NEGR1: variants seen among roughly 807,000 people sequenced by gnomAD.
The protein encoded by NEGR1 is IgLON family member 4.
NEGR1 carries 10 observed loss-of-function variants against 40.9 expected under a neutral mutation model. The observed-to-expected ratio is 0.24, with a 90% CI of 0.15 to 0.42. The LOEUF is 0.42. Ranked by LOEUF, NEGR1 falls within the 10% of genes least tolerant of loss-of-function variation. The pLI is 1.00. For synonymous variants in NEGR1, 185 were observed against 166.8 expected (o/e 1.11, Z -0.84); for missense variants, 352 against 438.9 (o/e 0.80, Z 1.77).
At chr1:72,022,092 G>T (rs935275996) in intron 1 of NEGR1, among the ~76,000 whole-genome samples, 1 of 151,730 alleles carries the variant, frequency 6.6e-6, no homozygotes, top group Non-Finnish European at 1.5e-5. Context: ...CCGAGATGGC[G>T]CCACTGCACT....
At chr1:71,444,225 A>G (rs1217257641) in intron 6 of NEGR1, among the ~76,000 whole-genome samples, 1 of 152,196 alleles carries the variant, frequency 6.6e-6, no homozygotes, top group Non-Finnish European at 1.5e-5. Context: ...TGTTATGACC[A>G]GAAAATATTT....
intron 3 of NEGR1, among the ~76,000 whole-genome samples, chr1:71,733,821 T>C (rs754227002): frequency 7.2e-5 from 11 of 152,214 alleles, no homozygotes; most frequent in Non-Finnish European, 1.5e-4. Flanking sequence ...GCCTGTATAG[T>C]ACTGATTCCT....
intron 1 of NEGR1, among the ~76,000 whole-genome samples, chr1:72,052,223 A>T (rs1278323870): frequency 6.6e-6 from 1 of 151,448 alleles, no homozygotes; most frequent in Non-Finnish European, 1.5e-5. Flanking sequence ...GATAGTGACA[A>T]AGCCTTGTCA....
intron 1 of NEGR1, among the ~76,000 whole-genome samples, chr1:72,103,995 A>G (rs1649040216): frequency 6.6e-6 from 1 of 152,138 alleles, no homozygotes; most frequent in African/African-American, 2.4e-5. Context: ...GTATATAACC[A>G]ATGACTTTGA....
intron 1 of NEGR1, among the ~76,000 whole-genome samples, chr1:72,072,055 T>G (rs1484664822): frequency 6.6e-6 from 1 of 152,154 alleles, no homozygotes; most frequent in Non-Finnish European, 1.5e-5. Context: ...CTAGCCTCTC[T>G]TACTTAGTAT....
chr1:71,716,747 T>G (rs911208842), intron 3 of NEGR1, among the ~76,000 whole-genome samples: 1 of 152,172 alleles, frequency 6.6e-6, no homozygotes, highest in Non-Finnish European at 1.5e-5. Flanking sequence ...CTCACTGCTA[T>G]CATACATTTT....
intron 2 of NEGR1, among the ~76,000 whole-genome samples, chr1:71,828,105 T>G (rs376391601): frequency 6.6e-6 from 1 of 152,048 alleles, no homozygotes; most frequent in African/African-American, 2.4e-5. Context: ...ATAACTGCTA[T>G]AGTAGAGATA....
chr1:71,994,781 A>AC (rs898206527), intron 1 of NEGR1, among the ~76,000 whole-genome samples: 2 of 152,036 alleles, frequency 1.3e-5, no homozygotes, highest in African/African-American at 4.8e-5. Flanking sequence ...GAGACCTAGA[A>AC]CCATGATATT....
chr1:71,580,780 T>G (rs1036681315), intron 6 of NEGR1, among the ~76,000 whole-genome samples: 1 of 152,128 alleles, frequency 6.6e-6, no homozygotes, highest in Non-Finnish European at 1.5e-5. Context: ...TTTAACTCCA[T>G]TTTACAGATG....
intron 6 of NEGR1, among the ~76,000 whole-genome samples, chr1:71,484,319 G>T (rs1646874020): frequency 6.6e-6 from 1 of 151,190 alleles, no homozygotes; most frequent in Non-Finnish European, 1.5e-5. Flanking sequence ...CATCTCCAGG[G>T]TCAACTAATT....
intron 1 of NEGR1, among the ~76,000 whole-genome samples, chr1:72,051,106 C>T (rs1647055918): frequency 6.6e-6 from 1 of 151,446 alleles, no homozygotes; most frequent in Non-Finnish European, 1.5e-5. Context: ...GTTCCCGATG[C>T]ATTGTAAGCC....
intron 1 of NEGR1, among the ~76,000 whole-genome samples, chr1:72,027,694 C>A (rs1646824228): frequency 6.6e-6 from 1 of 152,180 alleles, no homozygotes; most frequent in Non-Finnish European, 1.5e-5. Flanking sequence ...CTGGCTTCAG[C>A]TGCCACAAAT....
At chr1:71,554,701 A>G (rs995984865) in intron 6 of NEGR1, among the ~76,000 whole-genome samples, 2 of 151,556 alleles carry the variant, frequency 1.3e-5, no homozygotes, top group African/African-American at 4.8e-5. Context: ...GACATTCTAG[A>G]ATAAAAACTG....
At chr1:72,103,005 T>C (rs1239139531) in intron 1 of NEGR1, among the ~76,000 whole-genome samples, 1 of 152,142 alleles carries the variant, frequency 6.6e-6, no homozygotes, top group Non-Finnish European at 1.5e-5. Flanking sequence ...ACCACCCTTA[T>C]GCGAATTACC....
At chr1:71,551,478 C>T (rs1029818621) in intron 6 of NEGR1, among the ~76,000 whole-genome samples, 14 of 151,528 alleles carry the variant, frequency 9.2e-5, no homozygotes, top group African/African-American at 3.4e-4. Flanking sequence ...TATATAAAAA[C>T]AAAGACTGCA....
intron 1 of NEGR1, among the ~76,000 whole-genome samples, chr1:72,198,522 A>T (rs577710832): frequency 6.6e-6 from 1 of 152,198 alleles, no homozygotes; most frequent in East Asian, 1.9e-4. Flanking sequence ...TATTTTAACA[A>T]CTGTTATTTA....
chr1:71,910,243 G>A (rs1570491029), intron 2 of NEGR1, among the ~76,000 whole-genome samples: 1 of 152,298 alleles, frequency 6.6e-6, no homozygotes, highest in Admixed American at 6.5e-5. Context: ...ACTGATAAGG[G>A]ACTTAGAATC....
At chr1:71,578,570 CA>C (rs1462500280) in intron 6 of NEGR1, among the ~76,000 whole-genome samples, 6 of 152,134 alleles carry the variant, frequency 3.9e-5, no homozygotes, top group East Asian at 3.9e-4. Flanking sequence ...TGGATTCACT[CA>C]GGGGCAAGAC....
intron 2 of NEGR1, among the ~76,000 whole-genome samples, chr1:71,797,277 C>A (rs900966575): frequency 6.6e-6 from 1 of 152,054 alleles, no homozygotes; most frequent in Admixed American, 6.6e-5. Flanking sequence ...TGATCATAAG[C>A]GGCAAGACTG....
Sources: allele counts gnomAD v4.1 joint callset (sites outside exome capture counted in the v4.1 genomes callset), GRCh38; gene constraint gnomAD v4.1.1; transcripts MANE v1.5; gene names NCBI Gene and HGNC (gene_info 2026-07-23, HGNC 2026-07-21).